Variants in USO1 observed in about 807,000 individuals in gnomAD.
The protein encoded by USO1 is general vesicular transport factor p115.
A neutral mutation model predicts 124.5 loss-of-function variants in USO1; 57 were observed. That is an observed-to-expected ratio of 0.46 (90% CI 0.37 to 0.57). The LOEUF (loss-of-function observed/expected upper bound fraction) is 0.57. Ranked by LOEUF, USO1 falls within the 20% of genes least tolerant of loss-of-function variation. USO1 has a pLI of 0.00. For synonymous variants in USO1, 369 were observed against 362.8 expected, an observed-to-expected ratio of 1.02 and a Z score of -0.19; for missense variants, 900 against 1,040.6, an observed-to-expected ratio of 0.86 and a Z score of 1.86.
At chr4:75,778,482 C>T (rs1722132949) in intron 8 of USO1, among the ~76,000 whole-genome samples, 1 of 152,068 alleles carries the variant, frequency 6.6e-6, no homozygotes, top group African/African-American at 2.4e-5. Context: ...AGGAAGAAAA[C>T]ATATATATAA....
intron 16 of USO1, 119 bp downstream of exon 16, chr4:75,800,918 T>G: frequency 6.9e-7 from 1 of 1,441,508 alleles, no homozygotes; most frequent in Non-Finnish European, 9.2e-7. Context: ...TCTTCCTAGC[T>G]CTTGATCTGT....
chr4:75,799,255 T>TA (rs1469588532), intron 13 of USO1, among the ~76,000 whole-genome samples: 1 of 152,138 alleles, frequency 6.6e-6, no homozygotes, highest in Non-Finnish European at 1.5e-5. Context: ...GTGACTGAAA[T>TA]ATCATAAATT....
chr4:75,753,055 A>G (rs1391683552), intron 3 of USO1, among the ~76,000 whole-genome samples: 2 of 152,200 alleles, frequency 1.3e-5, no homozygotes, highest in Non-Finnish European at 2.9e-5. Context: ...ATATTTTGGT[A>G]TTCAGACTTG....
intron 1 of USO1, among the ~76,000 whole-genome samples, chr4:75,731,965 A>G (rs1015187353): frequency 1.3e-5 from 2 of 152,172 alleles, no homozygotes; most frequent in African/African-American, 4.8e-5. Flanking sequence ...GTATTGTTTC[A>G]TAAGCAAATG....
intron 12 of USO1, 65 bp from the exon 13 acceptor site, chr4:75,793,625 T>G: frequency 6.5e-7 from 1 of 1,538,836 alleles, no homozygotes; most frequent in Non-Finnish European, 8.8e-7. Context: ...AGAAAACAAT[T>G]TATTTAAAAT....
intron 4 of USO1, among the ~76,000 whole-genome samples, chr4:75,768,206 A>G (rs1721822977): frequency 1.3e-5 from 2 of 151,978 alleles, no homozygotes; most frequent in African/African-American, 4.8e-5. Flanking sequence ...TGTAGAGACA[A>G]GTTCTCACTA....
intron 17 of USO1, among the ~76,000 whole-genome samples, chr4:75,802,430 T>A (rs1722876290): frequency 6.6e-6 from 1 of 152,198 alleles, no homozygotes; most frequent in Admixed American, 6.5e-5. Flanking sequence ...AAAGAGTGAT[T>A]GACACAATTA....
rs1351756194 is a variant in USO1, at chr4:75,805,219, G to T, written c.2205G>T (p.Leu735Phe). ...TTCAGCCAGAAGAAATTGGTAGATT[G>T]CGAGAAGAGATAGAAGAATTAAAAC... is the stretch of plus-strand genomic sequence containing the variant. ...NGIQPEEIGR[L>F]REEIEELKRN... is the part of the protein sequence containing the mutation. The change falls in exon 19 of 24, where the codon TTG becomes TTT. Residue 735 changes from leucine to phenylalanine, a missense_variant. Around this residue, in one of 2 missense-constraint regions of USO1, gnomAD observed 362 missense variants for 359.0 expected, o/e 1.01. Coordinates refer to ENST00000514213, the MANE Select transcript of USO1 (RefSeq NM_003715.4). The T allele has an allele frequency of 2.5e-6, 4 of 1,613,336 alleles. No individual in the cohort carries two copies. The highest frequency in any genetic ancestry group is 3.4e-6 in the Non-Finnish European group (4 of 1,179,558).
At position 75,812,280 on chromosome 4, in the gene USO1, T is replaced by G; in HGVS notation, c.2704T>G (p.Ser902Ala). Residue 902 changes from serine to alanine, a missense_variant, in exon 23 of 24, where the codon TCT (serine) becomes GCT (alanine). This residue lies in a region of USO1 where 362 missense variants were observed against 359.0 expected (regional missense o/e 1.01). Coordinates refer to ENST00000514213, the MANE Select transcript of USO1 (RefSeq NM_003715.4). Reference protein sequence around the residue: ...KDKLELEITDSKKEQDDLLVL... With the variant: ...KDKLELEITDAKKEQDDLLVL... ...CAAACTAGAGTTGGAAATTACAGAT[T>G]CTAAAAAAGAACAAGATGATCTCTT... 1 of 1,608,100 alleles carries G rather than the reference T, an allele frequency of 6.2e-7. No individual in the cohort carries two copies. The highest frequency in any genetic ancestry group is 8.5e-7 in the Non-Finnish European group (1 of 1,177,094).
chr4:75,743,592 T>G (rs1351744538), intron 1 of USO1, among the ~76,000 whole-genome samples: 2 of 152,198 alleles, frequency 1.3e-5, no homozygotes, highest in Non-Finnish European at 2.9e-5. Context: ...ACTGGTTCTC[T>G]GCTATTTTCC....
chr4:75,736,617 A>G (rs1720800017), intron 1 of USO1, among the ~76,000 whole-genome samples: 4 of 152,020 alleles, frequency 2.6e-5, no homozygotes, highest in South Asian at 2.1e-4. Context: ...TACCTTTTTC[A>G]TTGATGTGTT....
chr4:75,785,320 A>G (rs961237198), intron 9 of USO1, among the ~76,000 whole-genome samples: 3 of 152,110 alleles, frequency 2.0e-5, no homozygotes, highest in African/African-American at 7.2e-5. Context: ...TAGGGAAAAC[A>G]TCTTTTGAAA....
At chr4:75,744,784 G>A in intron 1 of USO1, 2 of 319,024 alleles carry the variant, frequency 6.3e-6, no homozygotes, top group South Asian at 5.0e-5. Flanking sequence ...AATAAATGCT[G>A]TGTAAGTGTA....
chr4:75,780,249 A>G (rs888858325), intron 8 of USO1, among the ~76,000 whole-genome samples: 5 of 152,082 alleles, frequency 3.3e-5, no homozygotes, highest in African/African-American at 1.2e-4. Flanking sequence ...TCTGATGGAG[A>G]TGTAAAAAGA....
intron 1 of USO1, among the ~76,000 whole-genome samples, chr4:75,727,093 T>C (rs1720486072): frequency 6.6e-6 from 1 of 152,172 alleles, no homozygotes; most frequent in Admixed American, 6.5e-5. Flanking sequence ...TTTCCTGTTT[T>C]TGTTATTATT....
chr4:75,800,284 T>C, intron 14 of USO1, 67 bp from the exon 15 acceptor site: 1 of 1,498,208 alleles, frequency 6.7e-7, no homozygotes, highest in South Asian at 1.3e-5. Context: ...TATTAATGTA[T>C]GTCAAATTCA....
intron 4 of USO1, among the ~76,000 whole-genome samples, chr4:75,769,413 A>G (rs1721858975): frequency 6.6e-6 from 1 of 152,166 alleles, no homozygotes; most frequent in Non-Finnish European, 1.5e-5. Flanking sequence ...TTTCCTCTAT[A>G]AACAATTAGA....
intron 1 of USO1, among the ~76,000 whole-genome samples, chr4:75,741,729 C>G (rs1297877780): frequency 1.3e-5 from 2 of 151,282 alleles, no homozygotes; most frequent in African/African-American, 4.9e-5. Flanking sequence ...CTCAGCCTCT[C>G]GAGTAGCTGG....
intron 17 of USO1, among the ~76,000 whole-genome samples, chr4:75,802,537 T>C (rs1722879134): frequency 6.6e-6 from 1 of 152,148 alleles, no homozygotes; most frequent in Non-Finnish European, 1.5e-5. Context: ...TATAAAATGT[T>C]TATATCCTTT....
Sources: gnomAD v4.1 joint callset for allele counts (sites outside exome capture counted in the v4.1 genomes callset) on GRCh38, gnomAD v4.1.1 for gene constraint, gnomAD v4.1.1 regional missense constraint, MANE v1.5 for transcripts, NCBI Gene and HGNC (gene_info 2026-07-23, HGNC 2026-07-21) for gene names.